The following RUFY1 variants were observed in gnomAD, a reference collection of about 807,000 sequenced individuals.
RUFY1 encodes the protein RUN and FYVE domain containing 1.
A neutral mutation model predicts 94.6 loss-of-function variants in RUFY1; 54 were observed. That is an observed-to-expected ratio of 0.57 (90% confidence interval 0.46 to 0.72). The LOEUF (loss-of-function observed/expected upper bound fraction) is 0.72, where lower values mean the gene tolerates loss of function less well. RUFY1 is among the 30% of genes least tolerant of loss of function. The pLI, the probability that RUFY1 is intolerant of heterozygous loss-of-function variation, is 0.00. For synonymous variants in RUFY1, 396 were observed against 347.3 expected (o/e 1.14, Z -1.56); for missense variants, 883 against 883.9 (o/e 1.00, Z 0.01).
intron 3 of RUFY1, among the ~76,000 whole-genome samples, chr5:179,567,214 T>A (rs1762893219): frequency 1.3e-5 from 2 of 152,258 alleles, no homozygotes; most frequent in African/African-American, 4.8e-5. Flanking sequence ...TTTCCTGTGA[T>A]ATTTTATGAC....
chr5:179,555,283 T>C (rs1259814312), intron 1 of RUFY1, among the ~76,000 whole-genome samples: 2 of 152,178 alleles, frequency 1.3e-5, no homozygotes, highest in Non-Finnish European at 2.9e-5. Flanking sequence ...GATACTGGCC[T>C]GGCAATTTAT....
At chr5:179,551,057 A>G (rs558157960) in intron 1 of RUFY1, among the ~76,000 whole-genome samples, 178 bp downstream of exon 1, 141 of 151,326 alleles carry the variant, frequency 9.3e-4, no homozygotes, top group African/African-American at 2.2e-3. Flanking sequence ...CCCAGCCGAG[A>G]CCGCCCCCCG....
At position 179,590,128 on chromosome 5, in the gene RUFY1, C is replaced by T. The variant is rs150509438; in HGVS notation, c.1128+481C>T. 9.3e-3 allele frequency among the ~76,000 whole-genome samples: 1,422 copies of T among 152,092 alleles called. 30 individuals are homozygous for T. The highest frequency in any genetic ancestry group is 0.032 in the African/African-American group (1,321 of 41,526). ...CAGCACTTTGGGAGGCCGAGGCGGG[C>T]GGATCACGAGGCCAGGAGATCGAGA... On this transcript the variant is annotated intron_variant, in intron 9 of 17. Transcript: ENST00000319449.
rs561183098 is a variant in RUFY1, at chr5:179,605,693, G to A, written c.1857-183G>A. On this transcript the variant is annotated intron_variant, in intron 15 of 17. Coordinates refer to ENST00000319449, the MANE Select transcript of RUFY1 (RefSeq NM_025158.5). ...CTCAGCCTCAGCCCTCAGCAGACGGGAGCCAGTGTGATGAGGCAACTCTGG... is the reference window on the plus strand; with the variant it reads ...CTCAGCCTCAGCCCTCAGCAGACGGAAGCCAGTGTGATGAGGCAACTCTGG... Among the ~76,000 whole-genome samples the A allele has an allele frequency of 6.6e-3, 1,009 of 152,214 alleles. 15 individuals are homozygous for A. Among genetic ancestry groups the A allele is most frequent in the African/African-American group, 0.021 (875 of 41,538 alleles).
chr5:179,595,640 C>T (rs180801348), intron 12 of RUFY1, among the ~76,000 whole-genome samples: 1 of 151,994 alleles, frequency 6.6e-6, no homozygotes, highest in African/African-American at 2.4e-5. Context: ...CAATCTCTAC[C>T]TCCCAGGTTC....
Position 179,609,671 on chromosome 5 carries a change from C to A in RUFY1, c.*152C>A. ...CACTCCAGAAGACAGCGTGCCGGAA[C>A]CGGCAGCTCTCACCTTTCTGTGACT... On this transcript the variant is annotated 3_prime_UTR_variant, in exon 18 of 18. Transcript: ENST00000319449. 1.4e-6 allele frequency: 1 copy of A among 690,364 alleles called. No individual in the cohort carries two copies. Among genetic ancestry groups the A allele is most frequent in the Non-Finnish European group, 2.3e-6 (1 of 441,632 alleles). The allele number at this position is 690,364 out of a possible 1,614,324, so 42.8% of individuals were successfully genotyped here. A position where few individuals can be genotyped will look rare whatever the true frequency, so the allele number is the denominator to read the frequency against.
chr5:179,561,104 G>A (rs909911661), intron 2 of RUFY1, among the ~76,000 whole-genome samples: 23 of 152,062 alleles, frequency 1.5e-4, no homozygotes, highest in Non-Finnish European at 2.6e-4. Flanking sequence ...CCAGCTACTC[G>A]AGTGGCTGAG....
rs1217083010 is a variant in RUFY1 at position 179,550,619 on chromosome 5, A to G, written c.50A>G (p.Glu17Gly). Residue 17 changes from glutamate (E) to glycine (G), a missense_variant, in exon 1 of 18, where the codon GAG (glutamate) becomes GGG (glycine). Physicochemically the swap from Glu to Gly is moderately conservative, Grantham distance 98. Transcript: ENST00000319449. Reference protein sequence around the residue: ...GCAAGRGRELEPELEPGPGPG... With the variant: ...GCAAGRGRELGPELEPGPGPG... ...GCTGCTGGGCGGGGGCGGGAGCTGG[A>G]GCCGGAGCTGGAGCCGGGGCCGGGG... 2 of 1,324,642 alleles carry G rather than the reference A, an allele frequency of 1.5e-6. No individual in the cohort carries two copies. Among genetic ancestry groups the G allele is most frequent in the African/African-American group, 2.8e-5 (1 of 36,270 alleles). The allele number at this position is 1,324,642 out of a possible 1,614,324, so 82.1% of individuals were successfully genotyped here.
rs71001004 is a variant in RUFY1 at position 179,561,678 on chromosome 5, C to CTTTTTTTTTT, written c.485-853_485-844dup. On this transcript the variant is annotated intron_variant, in intron 2 of 17. Coordinates refer to ENST00000319449, the MANE Select transcript of RUFY1 (RefSeq NM_025158.5). ...CTATAAGGCAACTGTTTTTTTCTTT[C>CTTTTTTTTTT]TTTTTTTTTTTTTTTTTTTTTTTTT... Among the ~76,000 whole-genome samples, 19 of 64,608 alleles carry CTTTTTTTTTT rather than the reference C, an allele frequency of 2.9e-4. 3 individuals are homozygous for CTTTTTTTTTT. The highest frequency in any genetic ancestry group is 6.8e-4 in the Admixed American group (3 of 4,414). The allele number at this position is 64,608 out of a possible 152,430, so 42.4% of individuals were successfully genotyped here.
At chr5:179,585,281 T>TA (rs1408848362) in intron 7 of RUFY1, among the ~76,000 whole-genome samples, 1 of 151,330 alleles carries the variant, frequency 6.6e-6, no homozygotes, top group Non-Finnish European at 1.5e-5. Context: ...TCCAGATGAC[T>TA]AAAAAAGAAA....
At chr5:179,603,267 A>G (rs75517944) in intron 15 of RUFY1, among the ~76,000 whole-genome samples, 2 of 4,702 alleles carry the variant, frequency 4.3e-4, no homozygotes, top group Admixed American at 2.0e-3. Flanking sequence ...ATCCATCTCA[A>G]AAAAAAAAAA....
chr5:179,607,743 T>G (rs1767257178), intron 17 of RUFY1, 84 bp downstream of exon 17: 3 of 1,221,068 alleles, frequency 2.5e-6, no homozygotes, highest in Non-Finnish European at 3.6e-6. Context: ...GAAGCCCATA[T>G]CAGAGCAGGC....
intron 8 of RUFY1, chr5:179,586,183 TTCCCATGATGCCGTGTGCC>T (rs1294550181): frequency 4.6e-5 from 20 of 438,102 alleles, no homozygotes; most frequent in African/African-American, 3.4e-4. Context: ...TTTTCTGCCC[TTCCCATGATGCCGTGTGCC>T]TCCCTGCTGC....
chr5:179,605,591 C>T (rs945846001), intron 15 of RUFY1, among the ~76,000 whole-genome samples: 2 of 148,010 alleles, frequency 1.4e-5, no homozygotes, highest in Non-Finnish European at 2.9e-5. Context: ...GCCATCCTCT[C>T]GCCTCAGCCT....
chr5:179,580,241 G>GTGTGTGTGTGTGTATATATATA (rs149099074), intron 6 of RUFY1, among the ~76,000 whole-genome samples: 3 of 93,842 alleles, frequency 3.2e-5, no homozygotes, highest in East Asian at 3.8e-4. Context: ...GTGTGTGTGT[G>GTGTGTGTGTGTGTATATATATA]TATATTTTTT....
chr5:179,604,996 GAAAAA>G (rs1409339272), intron 15 of RUFY1, among the ~76,000 whole-genome samples: 8 of 136,974 alleles, frequency 5.8e-5, no homozygotes, highest in Non-Finnish European at 1.1e-4. Context: ...AAAAAAAAAA[GAAAAA>G]AAGAAAAAGG....
intron 13 of RUFY1, 28 bp from the exon 14 acceptor site, chr5:179,598,664 C>CT: frequency 1.9e-6 from 3 of 1,613,740 alleles, no homozygotes; most frequent in Non-Finnish European, 2.5e-6. Context: ...CCCACTGAGA[C>CT]TAACTCAAGT....
chr5:179,553,182 G>A (rs1307844660), intron 1 of RUFY1, among the ~76,000 whole-genome samples: 1 of 152,256 alleles, frequency 6.6e-6, no homozygotes, highest in African/African-American at 2.4e-5. Flanking sequence ...TGCCCAGGCA[G>A]CGTTGGGATT....
In RUFY1 at chr5:179,598,262, C is replaced by G. The variant is rs919013436; in HGVS notation, c.1632-430C>G. The G allele has an allele frequency of 3.6e-5, 6 of 166,322 alleles. No individual in the cohort carries two copies. In the East Asian group the frequency reaches 1.1e-3, roughly 30 times the overall value. The allele number at this position is 166,322 out of a possible 1,614,324, so 10.3% of individuals were successfully genotyped here. ...CCTGTAATCTCTGCACCTTGGGAAG[C>G]TGTGGCGGGAGGATCACTTGAGCCC... On this transcript the variant is annotated intron_variant, in intron 13 of 17. Coordinates refer to ENST00000319449, the MANE Select transcript of RUFY1 (RefSeq NM_025158.5).
Sources: gnomAD v4.1 joint callset for allele counts (sites outside exome capture counted in the v4.1 genomes callset) on GRCh38, gnomAD v4.1.1 for gene constraint, MANE v1.5 for transcripts, NCBI Gene and HGNC (gene_info 2026-07-23, HGNC 2026-07-21) for gene names.